Variants in TDRD3 observed in about 807,000 individuals in gnomAD.
TDRD3 encodes the protein tudor domain containing 3.
TDRD3 carries 45 observed loss-of-function variants against 86.7 expected under a neutral mutation model. That is an observed-to-expected ratio of 0.52 (90% CI 0.41 to 0.67). TDRD3 has a LOEUF of 0.67. TDRD3 is among the 30% of genes least tolerant of loss of function. TDRD3 has a pLI of 0.00. For synonymous variants in TDRD3, 298 were observed against 301.7 expected (o/e 0.99, Z 0.13); for missense variants, 814 against 889.0 (o/e 0.92, Z 1.07).
At chr13:60,565,041 CTTTTTTTTTTTTTTTTTTT>C (rs869194148) in intron 12 of TDRD3, among the ~76,000 whole-genome samples, 36 of 70,880 alleles carry the variant, frequency 5.1e-4, no homozygotes, top group African/African-American at 1.1e-3. Context: ...CTATCAGTAT[CTTTTTTTTTTTTTTTTTTT>C]TTTTTTTTTT....
chr13:60,477,454 A>G (rs1033797785), intron 5 of TDRD3, among the ~76,000 whole-genome samples: 3 of 152,030 alleles, frequency 2.0e-5, no homozygotes, highest in African/African-American at 7.2e-5. Context: ...GCCTCAAGCA[A>G]TCCTCCTTGT....
intron 10 of TDRD3, among the ~76,000 whole-genome samples, chr13:60,516,581 G>T (rs999796654): frequency 6.6e-6 from 1 of 152,168 alleles, no homozygotes; most frequent in African/African-American, 2.4e-5. Flanking sequence ...TATACTAGTT[G>T]TATGTCTTTG....
intron 12 of TDRD3, among the ~76,000 whole-genome samples, chr13:60,543,896 C>A (rs1354892817): frequency 6.7e-6 from 1 of 150,114 alleles, no homozygotes; most frequent in Non-Finnish European, 1.5e-5. Context: ...ATTCTGGAAA[C>A]TTTTATGTAT....
chr13:60,494,158 A>G (rs375888733), intron 7 of TDRD3, among the ~76,000 whole-genome samples: 2 of 152,068 alleles, frequency 1.3e-5, no homozygotes, highest in East Asian at 1.9e-4. Flanking sequence ...TGCTTGTAGT[A>G]TTTTCTTCTC....
At chr13:60,521,475 AAT>A (rs1172708207) in intron 10 of TDRD3, among the ~76,000 whole-genome samples, 1 of 152,178 alleles carries the variant, frequency 6.6e-6, no homozygotes, top group Non-Finnish European at 1.5e-5. Flanking sequence ...AAAAAAAAAA[AAT>A]GTAATACAGA....
In TDRD3 at chr13:60,439,772, T is replaced by C; in HGVS notation, c.126T>C (p.Asn42=). The stretch of plus-strand genomic sequence containing the variant: ...ATGACATCATCCTGATTGCTCTCAA[T>C]GTAGGTTATATTTATTAACTTGTAA... ...NVNDIILIAL[N]TDLRTIGKKF... Residue 42 remains asparagine (N), a splice_region_variant and synonymous_variant, in exon 2 of 14, where the codon AAT becomes AAC. Transcript: ENST00000377881. 1 of 1,522,736 alleles carries C rather than the reference T, an allele frequency of 6.6e-7. No homozygotes were observed. The highest frequency in any genetic ancestry group is 1.3e-5 in the South Asian group (1 of 76,796). 94.3% of individuals were successfully genotyped at this position (1,522,736 alleles called of 1,614,324 possible). A position where few individuals can be genotyped will look rare whatever the true frequency, so the allele number is the denominator to read the frequency against.
chr13:60,434,251 T>G (rs1158632050), intron 1 of TDRD3, among the ~76,000 whole-genome samples: 1 of 151,990 alleles, frequency 6.6e-6, no homozygotes. Context: ...GGGCGGATTG[T>G]TGGAGCTCAG....
At chr13:60,456,009 G>T (rs1003145513) in intron 3 of TDRD3, among the ~76,000 whole-genome samples, 1 of 147,492 alleles carries the variant, frequency 6.8e-6, no homozygotes, top group Non-Finnish European at 1.5e-5. Flanking sequence ...GGCGGAGGTT[G>T]CAGTGAGCCG....
intron 10 of TDRD3, among the ~76,000 whole-genome samples, chr13:60,517,075 C>G (rs1243337788): frequency 6.6e-6 from 1 of 151,996 alleles, no homozygotes; most frequent in African/African-American, 2.4e-5. Context: ...TGTAAATAAT[C>G]TGTTTAGATA....
intron 8 of TDRD3, among the ~76,000 whole-genome samples, chr13:60,500,749 G>C (rs1956813209): frequency 6.6e-6 from 1 of 152,184 alleles, no homozygotes; most frequent in Non-Finnish European, 1.5e-5. Context: ...AAAGAAATTT[G>C]GGAAAGAGGT....
chr13:60,447,299 C>T (rs1167302096), intron 3 of TDRD3, among the ~76,000 whole-genome samples: 1 of 152,144 alleles, frequency 6.6e-6, no homozygotes, highest in African/African-American at 2.4e-5. Context: ...TAGAGACATC[C>T]AGACATAGGG....
intron 10 of TDRD3, among the ~76,000 whole-genome samples, chr13:60,524,624 ATACT>A (rs1314733087): frequency 6.6e-6 from 1 of 152,184 alleles, no homozygotes; most frequent in Non-Finnish European, 1.5e-5. Flanking sequence ...CAGTTTCAAA[ATACT>A]TACTTTATAT....
chr13:60,484,657 T>C (rs1267012003), intron 6 of TDRD3: 4 of 443,708 alleles, frequency 9.0e-6, no homozygotes, highest in African/African-American at 6.1e-5. Context: ...TTTTGAAGCA[T>C]TTAAAAAATA....
chr13:60,428,398 A>G (rs1401447757), intron 1 of TDRD3, among the ~76,000 whole-genome samples: 1 of 151,860 alleles, frequency 6.6e-6, no homozygotes, highest in African/African-American at 2.4e-5. Context: ...TAGTCAAATT[A>G]TGTTTTCTAA....
chr13:60,516,826 G>A (rs9598139), intron 10 of TDRD3, among the ~76,000 whole-genome samples: 35,036 of 152,044 alleles, frequency 0.23, 4,451 homozygotes, highest in Non-Finnish European at 0.28. Flanking sequence ...GGCTTTCATC[G>A]GCTTTCACTG....
intron 3 of TDRD3, among the ~76,000 whole-genome samples, chr13:60,455,852 G>A (rs979159626): frequency 1.3e-5 from 2 of 152,080 alleles, no homozygotes; most frequent in African/African-American, 4.8e-5. Context: ...TGGATCACCT[G>A]AGGTCCAGAG....
intron 8 of TDRD3, among the ~76,000 whole-genome samples, chr13:60,507,803 T>G (rs1325633916): frequency 6.6e-6 from 1 of 152,068 alleles, no homozygotes; most frequent in African/African-American, 2.4e-5. Context: ...AAATAAAGAG[T>G]ATTCACATAG....
chr13:60,473,953 C>T (rs1956127820), intron 5 of TDRD3, among the ~76,000 whole-genome samples: 1 of 152,106 alleles, frequency 6.6e-6, no homozygotes, highest in African/African-American at 2.4e-5. Context: ...TTAGAGAAGA[C>T]TCTGCTCCAC....
At chr13:60,403,145 T>TC (rs1475500174) in intron 1 of TDRD3, among the ~76,000 whole-genome samples, 1 of 152,042 alleles carries the variant, frequency 6.6e-6, no homozygotes, top group South Asian at 2.1e-4. Context: ...TTTTTTTTTT[T>TC]TTTCTGGTGA....
Sources: gnomAD v4.1 joint callset for allele counts (sites outside exome capture counted in the v4.1 genomes callset) on GRCh38, gnomAD v4.1.1 for gene constraint, MANE v1.5 for transcripts, NCBI Gene and HGNC (gene_info 2026-07-23, HGNC 2026-07-21) for gene names.